IGSF1: variants seen among roughly 807,000 people sequenced by gnomAD.
IGSF1 encodes the protein immunoglobulin-like domain-containing protein 1.
IGSF1 carries 40 observed loss-of-function variants against 95.3 expected under a neutral mutation model. The ratio of observed to expected loss-of-function variants is 0.42; its 90% confidence interval spans 0.33 to 0.55. The LOEUF is 0.55. IGSF1 is among the 20% of genes least tolerant of loss of function. The probability of loss-of-function intolerance (pLI) is 0.10; values close to 1 mark genes in which losing one functional copy is unlikely to be tolerated. For missense variants in IGSF1, 906 were observed against 1,025.4 expected (o/e 0.88, Z 1.59); for synonymous variants, 372 against 382.9 (o/e 0.97, Z 0.33).
At chrX:131,274,573 G>A (rs377681881) in intron 18 of IGSF1, 26 bp downstream of exon 18, 2 of 1,193,822 alleles carry the variant, frequency 1.7e-6, no homozygotes, top group Non-Finnish European at 2.3e-6. Flanking sequence ...TGTCACACCA[G>A]GACCATGGAG....
intron 4 of IGSF1, 84 bp downstream of exon 4, chrX:131,285,683 C>A (rs2080624631): frequency 1.0e-6 from 1 of 992,341 alleles, no homozygotes; most frequent in Admixed American, 2.7e-5. Flanking sequence ...TGCTTGCATG[C>A]ATTTGTGAAA....
intron 1 of IGSF1, among the ~76,000 whole-genome samples, chrX:131,287,177 G>GTATATA (rs58556447): frequency 4.7e-4 from 46 of 98,182 alleles, no homozygotes; most frequent in African/African-American, 1.7e-3. Flanking sequence ...GTGTGTGTGT[G>GTATATA]TATATATATA....
chrX:131,278,931 C>G (rs1244592383), intron 11 of IGSF1, among the ~76,000 whole-genome samples, 180 bp from the exon 12 acceptor site: 1 of 111,375 alleles, frequency 9.0e-6, no homozygotes, highest in Non-Finnish European at 1.9e-5. Context: ...TGTCTTATAG[C>G]TGAGCCTCAG....
In IGSF1 at chrX:131,285,773, C is replaced by A. The variant is rs923537326; in HGVS notation, c.373G>T (p.Ala125Ser). Reference protein sequence around the residue: ...SKPSKVLELEAPGQLPKPIFW... With the variant: ...SKPSKVLELESPGQLPKPIFW... ...AGTATCACTGTCATCTTACCTGGTG[C>A]CTCCAACTCTAGAACTTTACTGGGC... Residue 125 changes from alanine to serine, a missense_variant, in exon 4 of 20, where the codon GCA becomes TCA. Physicochemically the swap from Ala to Ser is moderately conservative, Grantham distance 99. Around this residue, in one of 5 missense-constraint regions of IGSF1, gnomAD observed 442 missense variants for 448.1 expected, o/e 0.99. Transcript: ENST00000361420. The A allele has an allele frequency of 2.1e-5, 25 of 1,201,766 alleles. No homozygotes were observed. The highest frequency in any genetic ancestry group is 3.6e-5 in the South Asian group (2 of 55,722).
At position 131,277,184 on chromosome X, in the gene IGSF1, A is replaced by G. The variant is rs751748646; in HGVS notation, c.2363T>C (p.Val788Ala). 6.6e-6 allele frequency: 8 copies of G among 1,209,192 alleles called. No homozygotes were observed. Among genetic ancestry groups the G allele is most frequent in the Non-Finnish European group, 7.8e-6 (7 of 894,697 alleles). The change falls in exon 14 of 20, where the codon GTG (valine) becomes GCG (alanine). Residue 788 changes from valine to alanine, a missense_variant. This residue lies in a region of IGSF1 where 411 missense variants were observed against 494.9 expected (regional missense o/e 0.83). Coordinates refer to ENST00000361420, the MANE Select transcript of IGSF1 (RefSeq NM_001555.5). ...AGTCACTCGGGCACCAGGGGTGACC[A>G]CAGGGCTGGCCCATGTCTTGAAGAA... ...KPFFKTWASP[V>A]VTPGARVTFN...
intron 1 of IGSF1, among the ~76,000 whole-genome samples, chrX:131,287,054 TG>T (rs2080650424): frequency 5.2e-5 from 1 of 19,151 alleles, no homozygotes; most frequent in African/African-American, 1.1e-4. Context: ...TTTTCAGATA[TG>T]CATATATATA....
At position 131,273,789 on chromosome X, in the gene IGSF1, G is replaced by A. The variant is rs2080443812; in HGVS notation, c.*7C>T. Reference sequence around the variant, plus strand: ...GGAGAGGAAAGCTCTTGTAAAGGAGGAGATTATTATATTGGAACGGGCAGT... The same window carrying A: ...GGAGAGGAAAGCTCTTGTAAAGGAGAAGATTATTATATTGGAACGGGCAGT... On this transcript the variant is annotated 3_prime_UTR_variant, in exon 20 of 20. Transcript: ENST00000361420. 1 of 1,202,336 alleles carries A rather than the reference G, an allele frequency of 8.3e-7. No homozygotes were observed. The highest frequency in any genetic ancestry group is 1.8e-5 in the African/African-American group (1 of 56,792).
At chrX:131,277,276 A>C in intron 13 of IGSF1, 50 bp from the exon 14 acceptor site, 1 of 1,060,058 alleles carries the variant, frequency 9.4e-7, no homozygotes, top group Non-Finnish European at 1.3e-6. Flanking sequence ...TACAACACAA[A>C]ACCAAATTAA....
chrX:131,282,480 T>C lies in IGSF1; in HGVS notation c.1210A>G (p.Met404Val), dbSNP rs757010783. Residue 404 changes from methionine (M) to valine (V), a missense_variant, in exon 7 of 20, where the codon ATG becomes GTG. Transcript: ENST00000361420. The stretch of plus-strand genomic sequence containing the variant: ...AGCTCCACAGTGTTGTGTGATGGCA[T>C]CCTAATGGAGGTCTTCCAGGTGAGA... ...YLLTWKTSIR[M>V]PSHNTVELMV... 1 of 1,209,585 alleles carries C rather than the reference T, an allele frequency of 8.3e-7. No homozygotes were observed. The highest frequency in any genetic ancestry group is 1.1e-6 in the Non-Finnish European group (1 of 893,303).
At chrX:131,279,233 G>C (rs776585944) in intron 10 of IGSF1, 38 bp downstream of exon 10, 3 of 1,207,933 alleles carry the variant, frequency 2.5e-6, no homozygotes, top group Non-Finnish European at 3.4e-6. Context: ...CTTCACCCCG[G>C]CCTTCTGCCC....
chrX:131,286,655 C>A lies in IGSF1; in HGVS notation c.20G>T (p.Gly7Val). The change falls in exon 2 of 20, where the codon GGG becomes GTG. Residue 7 changes from glycine (G) to valine (V), a missense_variant. Gly to Val is a moderately radical substitution (Grantham distance 109). This residue lies in a region of IGSF1 where 442 missense variants were observed against 448.1 expected (regional missense o/e 0.99). Transcript: ENST00000361420. Reference sequence around the variant, plus strand: ...TGTCTTCAGCATGGTGGCCCCCTCCCCTGGTCTGTCCAGGGTCATGGGGCC... The same window carrying A: ...TGTCTTCAGCATGGTGGCCCCCTCCACTGGTCTGTCCAGGGTCATGGGGCC... The part of the protein sequence containing the change: MTLDRP[G>V]EGATMLKTFT... 8.3e-7 allele frequency: 1 copy of A among 1,198,385 alleles called. No homozygotes were observed. The highest frequency in any genetic ancestry group is 1.1e-6 in the Non-Finnish European group (1 of 890,934).
intron 3 of IGSF1, 50 bp downstream of exon 3, chrX:131,286,387 A>C: frequency 5.3e-5 from 56 of 1,051,950 alleles, no homozygotes; most frequent in Non-Finnish European, 6.8e-5. Context: ...ACACGCCAGC[A>C]TCTTGGATCC....
At chrX:131,281,099 T>G (rs2080551648) in intron 9 of IGSF1, 119 bp downstream of exon 9, 1 of 825,025 alleles carries the variant, frequency 1.2e-6, no homozygotes, top group Admixed American at 2.6e-5. Flanking sequence ...TCTTGTTCCC[T>G]AAGCCCAGAA....
At position 131,287,163 on chromosome X, in the gene IGSF1, A is replaced by ATGTG. The variant is rs1310167309; in HGVS notation, c.-67-426_-67-423dup. Among the ~76,000 whole-genome samples, 96 of 79,984 alleles carry ATGTG rather than the reference A, an allele frequency of 1.2e-3. 1 individual carries two copies. Among genetic ancestry groups the ATGTG allele is most frequent in the Non-Finnish European group, 7.6e-4 (31 of 40,860 alleles). The allele number at this position is 79,984 out of a possible 115,157, so 69.5% of individuals were successfully genotyped here. On this transcript the variant is annotated intron_variant, in intron 1 of 19. Transcript: ENST00000361420. ...TATGTGTGTATATATATACGTATAT[A>ATGTG]TGTGTGTGTGTGTGTATATATATAT...
chrX:131,285,509 G>A, intron 4 of IGSF1, 43 bp from the exon 5 acceptor site: 3 of 1,161,064 alleles, frequency 2.6e-6, no homozygotes, highest in Non-Finnish European at 3.5e-6. Context: ...AGCAAGGATA[G>A]TACTGTCTAG....
intron 15 of IGSF1, 86 bp from the exon 16 acceptor site, chrX:131,275,851 G>A: frequency 8.7e-7 from 1 of 1,149,324 alleles, no homozygotes; most frequent in East Asian, 3.0e-5. Flanking sequence ...TCTCCTCTTG[G>A]GCACGGTAGT....
chrX:131,275,389 C>T, intron 16 of IGSF1, 89 bp downstream of exon 16: 1 of 1,134,434 alleles, frequency 8.8e-7, no homozygotes, highest in Non-Finnish European at 1.2e-6. Flanking sequence ...GTTGCCTCTC[C>T]TCGAGCTCTC....
rs1274069411 is a variant in IGSF1 at position 131,275,182 on chromosome X, C to A, written c.3289G>T (p.Val1097Phe). Residue 1097 changes from valine to phenylalanine, a missense_variant, in exon 17 of 20, where the codon GTC becomes TTC. Coordinates refer to ENST00000361420, the MANE Select transcript of IGSF1 (RefSeq NM_001555.5). ...CQGELPDSTFVLLKEGAQEPL... is the reference protein window; with the variant it reads ...CQGELPDSTFFLLKEGAQEPL... ...TCCTGAGCCCCCTCCTTCAACAGGA[C>A]AAATGTTGAGTCTGGCAGTTCCCCT... 1 of 1,211,428 alleles carries A rather than the reference C, an allele frequency of 8.3e-7. No homozygotes were observed. The highest frequency in any genetic ancestry group is 1.1e-6 in the Non-Finnish European group (1 of 895,046).
At position 131,285,393 on chromosome X, in the gene IGSF1, G is replaced by A. The variant is rs2080620813; in HGVS notation, c.453C>T (p.Leu151=). 1 of 1,209,722 alleles carries A rather than the reference G, an allele frequency of 8.3e-7. No homozygotes were observed. Among genetic ancestry groups the A allele is most frequent in the African/African-American group, 1.7e-5 (1 of 57,313 alleles). The change falls in exon 5 of 20, where the codon CTC becomes CTT. Residue 151 remains leucine (L), a synonymous_variant. Coordinates refer to ENST00000361420, the MANE Select transcript of IGSF1 (RefSeq NM_001555.5). The part of the protein sequence containing the change: ...PALPGCNVNI[L]CHGWLQDLVF... ...CCAAATCCTGCAGCCAGCCATGGCA[G>A]AGGATGTTAACATTACACCCAGGAA...
Sources: allele counts gnomAD v4.1 joint callset (sites outside exome capture counted in the v4.1 genomes callset), GRCh38; gene constraint gnomAD v4.1.1; regional missense constraint gnomAD v4.1.1; transcripts MANE v1.5; gene names NCBI Gene and HGNC (gene_info 2026-07-23, HGNC 2026-07-21).